Variants in XKR6 observed in about 807,000 individuals in gnomAD.
XKR6 encodes the protein XK-related protein 6.
A neutral mutation model predicts 56.7 loss-of-function variants in XKR6; 22 were observed. That is an observed-to-expected ratio of 0.39 (90% confidence interval 0.28 to 0.55). XKR6 has a LOEUF of 0.55. Among genes scored for constraint, XKR6 ranks in the 20% least tolerant of loss-of-function variants. The pLI, the probability that XKR6 is intolerant of heterozygous loss-of-function variation, is 0.66. For synonymous variants in XKR6, 524 were observed against 387.8 expected (o/e 1.35, Z -4.13); for missense variants, 852 against 889.0 (o/e 0.96, Z 0.53).
intron 1 of XKR6, among the ~76,000 whole-genome samples, chr8:11,038,693 C>A (rs539134681): frequency 6.6e-6 from 1 of 152,078 alleles, no homozygotes; most frequent in African/African-American, 2.4e-5. Context: ...CACCACCACG[C>A]CTGGCTAATT....
In XKR6 at chr8:11,126,348, G is replaced by A. The variant is rs530687456; in HGVS notation, c.764+74228C>T. On this transcript the variant is annotated intron_variant, in intron 1 of 2. Transcript: ENST00000416569. ...CCCAAAGTGCTGGGATTACAGGCGT[G>A]AGCCACTGTGCCCGGCCTACTTTGG... 8.2e-4 allele frequency among the ~76,000 whole-genome samples: 125 copies of A among 152,286 alleles called. 1 individual carries two copies. Among genetic ancestry groups the A allele is most frequent in the South Asian group, 2.7e-3 (13 of 4,822 alleles).
chr8:11,194,848 T>C (rs1463351576), intron 1 of XKR6: 2 of 413,744 alleles, frequency 4.8e-6, no homozygotes, highest in African/African-American at 4.1e-5. Flanking sequence ...GCACCAGCCT[T>C]CTTACAATAC....
At chr8:10,949,607 G>C (rs1801658509) in intron 1 of XKR6, among the ~76,000 whole-genome samples, 1 of 152,240 alleles carries the variant, frequency 6.6e-6, no homozygotes, top group Admixed American at 6.5e-5. Context: ...CACCGTTAGT[G>C]CCCTAACAGG....
At chr8:11,005,070 G>C (rs984040522) in intron 1 of XKR6, among the ~76,000 whole-genome samples, 2 of 152,190 alleles carry the variant, frequency 1.3e-5, no homozygotes, top group Admixed American at 1.3e-4. Flanking sequence ...TTCAGTGGAT[G>C]CCTGAAACCA....
chr8:10,915,048 A>G (rs1011979630), intron 2 of XKR6, among the ~76,000 whole-genome samples: 1 of 152,244 alleles, frequency 6.6e-6, no homozygotes, highest in Non-Finnish European at 1.5e-5. Context: ...AGAGAGCTGC[A>G]TAATAGCTAT....
At chr8:11,167,205 A>G (rs56021916) in intron 1 of XKR6, among the ~76,000 whole-genome samples, 1 of 152,186 alleles carries the variant, frequency 6.6e-6, no homozygotes, top group Non-Finnish European at 1.5e-5. Context: ...AGAACTCTGG[A>G]AAACAGTGAA....
At chr8:11,081,862 T>TGG in intron 1 of XKR6, among the ~76,000 whole-genome samples, 1 of 152,236 alleles carries the variant, frequency 6.6e-6, no homozygotes, top group South Asian at 2.1e-4. Context: ...CCTCTTGGCC[T>TGG]GTGTCAAAGA....
chr8:11,032,797 G>A (rs954092343), intron 1 of XKR6, among the ~76,000 whole-genome samples: 1 of 152,160 alleles, frequency 6.6e-6, no homozygotes, highest in Non-Finnish European at 1.5e-5. Context: ...ACCTTACAAG[G>A]CTCCTGAGAA....
chr8:11,114,665 A>T (rs1410585989), intron 1 of XKR6, among the ~76,000 whole-genome samples: 1 of 151,934 alleles, frequency 6.6e-6, no homozygotes, highest in Non-Finnish European at 1.5e-5. Context: ...CTGGCCAAAC[A>T]TTTATTTTTA....
At chr8:11,095,060 A>T (rs1798224354) in intron 1 of XKR6, among the ~76,000 whole-genome samples, 1 of 152,200 alleles carries the variant, frequency 6.6e-6, no homozygotes, top group South Asian at 2.1e-4. Context: ...GAAAGAAAAA[A>T]AGTAGGCTGA....
At chr8:11,017,720 A>G (rs1262922611) in intron 1 of XKR6, among the ~76,000 whole-genome samples, 3 of 152,174 alleles carry the variant, frequency 2.0e-5, no homozygotes, top group African/African-American at 7.2e-5. Context: ...CAGGCATTTG[A>G]CCTGGGTCCT....
chr8:11,066,007 T>C (rs1462263552), intron 1 of XKR6, among the ~76,000 whole-genome samples: 1 of 152,234 alleles, frequency 6.6e-6, no homozygotes, highest in Non-Finnish European at 1.5e-5. Context: ...AAGAGGGGGC[T>C]CTGCATTCTC....
intron 2 of XKR6, among the ~76,000 whole-genome samples, chr8:10,905,017 C>A (rs1800146396): frequency 6.6e-6 from 1 of 152,200 alleles, no homozygotes; most frequent in Admixed American, 6.5e-5. Flanking sequence ...CAGCTGTGTG[C>A]AGCTCCCCAG....
chr8:11,105,954 C>T lies in XKR6; in HGVS notation c.764+94622G>A, dbSNP rs935745606. On this transcript the variant is annotated intron_variant, in intron 1 of 2. Coordinates refer to ENST00000416569, the MANE Select transcript of XKR6 (RefSeq NM_173683.4). ...CTGTTTCTCAAAAAATAATTTCAAA[C>T]GACAAGCTTTTAAATAATTAGGCCA... 13 of 152,156 alleles carry T rather than the reference C, an allele frequency of 8.5e-5. No individual in the cohort carries two copies. In the South Asian group the frequency reaches 1.9e-3, roughly 22 times the overall value. The allele number at this position is 152,156 out of a possible 1,614,324, so 9.4% of individuals were successfully genotyped here.
intron 1 of XKR6, among the ~76,000 whole-genome samples, chr8:10,973,597 C>CT (rs1436387899): frequency 1.3e-5 from 2 of 151,698 alleles, no homozygotes; most frequent in African/African-American, 2.4e-5. Context: ...CTTTCTTTTT[C>CT]TTTTTTTTAA....
intron 1 of XKR6, chr8:11,113,946 T>A (rs1156379505): frequency 6.2e-6 from 2 of 323,154 alleles, no homozygotes; most frequent in Admixed American, 9.6e-5. Flanking sequence ...CGGAAACACA[T>A]GAAGGCCTCC....
chr8:10,925,701 C>T (rs190117827), intron 1 of XKR6, among the ~76,000 whole-genome samples: 8 of 152,320 alleles, frequency 5.3e-5, no homozygotes, highest in Non-Finnish European at 8.8e-5. Flanking sequence ...GTCCTTGTCA[C>T]TCATCTTTCA....
At chr8:10,919,408 T>C (rs1800651146) in intron 2 of XKR6, among the ~76,000 whole-genome samples, 1 of 152,230 alleles carries the variant, frequency 6.6e-6, no homozygotes, top group African/African-American at 2.4e-5. Context: ...TTTTGTGCTG[T>C]GTCCCCAGAC....
intron 1 of XKR6, among the ~76,000 whole-genome samples, chr8:11,144,379 T>A (rs957318648): frequency 6.3e-5 from 9 of 143,154 alleles, no homozygotes; most frequent in African/African-American, 2.1e-4. Flanking sequence ...AGATGAGAGA[T>A]GGTCACATTT....
Sources: allele counts gnomAD v4.1 joint callset (sites outside exome capture counted in the v4.1 genomes callset), GRCh38; gene constraint gnomAD v4.1.1; transcripts MANE v1.5; gene names NCBI Gene and HGNC (gene_info 2026-07-23, HGNC 2026-07-21).